DRP2: variants seen among roughly 807,000 people sequenced by gnomAD.
DRP2 encodes dystrophin-related protein 2.
Under a neutral mutation model 78.2 loss-of-function variants are expected in DRP2, and 29 were observed. The observed-to-expected ratio is 0.37, with a 90% CI of 0.28 to 0.51. The LOEUF (loss-of-function observed/expected upper bound fraction) is 0.51. Ranked by LOEUF, DRP2 falls within the 20% of genes least tolerant of loss-of-function variation. The pLI is 0.94. For missense variants in DRP2, 686 were observed against 770.6 expected (o/e 0.89, Z 1.30); for synonymous variants, 290 against 281.9 (o/e 1.03, Z -0.29).
rs1457490271 is a variant in DRP2, at chrX:101,241,905, A to G, written c.797A>G (p.Asp266Gly). ...GAGCCCATTGGGGATCTCTTCATTG[A>G]TTCACTCCCAGAGCACATCCAGGCT... is the stretch of plus-strand genomic sequence containing the variant. ...TWEPIGDLFI[D>G]SLPEHIQAIK... Residue 266 changes from aspartate (D) to glycine (G), a missense_variant, in exon 7 of 24, where the codon GAT (aspartate) becomes GGT (glycine). By Grantham distance (94) the Asp-to-Gly change is moderately conservative (BLOSUM62 -1). Transcript: ENST00000395209. The G allele has an allele frequency of 4.3e-6, 5 of 1,167,973 alleles. No individual in the cohort carries two copies. Among genetic ancestry groups the G allele is most frequent in the Non-Finnish European group, 5.7e-6 (5 of 874,150 alleles).
rs769648425 is a variant in DRP2, at chrX:101,233,014, T to A, written c.117+1250T>A. Among the ~76,000 whole-genome samples the A allele has an allele frequency of 2.1e-3, 232 of 112,011 alleles. 1 individual carries two copies. The highest frequency in any genetic ancestry group is 7.3e-3 in the African/African-American group (224 of 30,894). ...ATAGAGAGCCTTGAGGGGAGTGGGG[T>A]GCAAGAAGCAAATATCCTGGCTACA... is the stretch of plus-strand genomic sequence containing the variant. On this transcript the variant is annotated intron_variant, in intron 3 of 23. Coordinates refer to ENST00000395209, the MANE Select transcript of DRP2 (RefSeq NM_001939.3).
Position 101,256,231 on chromosome X carries a change from A to G in DRP2, c.2360A>G (p.Lys787Arg). 5.8e-6 allele frequency: 7 copies of G among 1,202,901 alleles called. No individual in the cohort carries two copies. The highest frequency in any genetic ancestry group is 7.8e-6 in the Non-Finnish European group (7 of 891,829). Residue 787 changes from lysine to arginine, a missense_variant, in exon 21 of 24, where the codon AAG (lysine) becomes AGG (arginine). By Grantham distance (26) the Lys-to-Arg change is conservative. This residue lies in a region of DRP2 where 423 missense variants were observed against 531.5 expected (regional missense o/e 0.80). Transcript: ENST00000395209. ...VATESKGELQ[K>R]ILAHLEDENR... is the part of the protein sequence containing the mutation. ...ACAGAAAGCAAAGGGGAGCTACAGA[A>G]GATCCTGGCCCACTTGGAAGATGAG...
chrX:101,235,765 C>A, intron 3 of DRP2, 95 bp from the exon 4 acceptor site: 1 of 937,099 alleles, frequency 1.1e-6, no homozygotes, highest in Non-Finnish European at 1.5e-6. Flanking sequence ...AGCAACCCTT[C>A]TCTCCCCTTG....
intron 3 of DRP2, among the ~76,000 whole-genome samples, chrX:101,235,083 G>A (rs962421295): frequency 3.6e-5 from 4 of 110,665 alleles, no homozygotes; most frequent in Non-Finnish European, 5.7e-5. Context: ...AGGGCTATCC[G>A]GGATAACCAC....
intron 14 of DRP2, 97 bp from the exon 15 acceptor site, chrX:101,250,326 G>C (rs1196851057): frequency 3.6e-6 from 4 of 1,121,361 alleles, no homozygotes; most frequent in Non-Finnish European, 4.9e-6. Flanking sequence ...AGCTCAGTCT[G>C]TGCTCTTTCC....
intron 1 of DRP2, among the ~76,000 whole-genome samples, chrX:101,224,201 T>TTTTTTTTTTTTTTTG (rs1922019195): frequency 2.1e-5 from 1 of 48,325 alleles, no homozygotes; most frequent in African/African-American, 8.2e-5. Flanking sequence ...GTTTTTTTTT[T>TTTTTTTTTTTTTTTG]TTTTTTTTTT....
chrX:101,227,091 C>T (rs1922146647), intron 2 of DRP2, among the ~76,000 whole-genome samples: 1 of 110,651 alleles, frequency 9.0e-6, no homozygotes, highest in South Asian at 3.9e-4. Flanking sequence ...CATGAATTCT[C>T]CTCCCGTGAT....
At chrX:101,254,691 C>A in intron 18 of DRP2, 130 bp downstream of exon 18, 1 of 1,064,523 alleles carries the variant, frequency 9.4e-7, no homozygotes, top group South Asian at 2.1e-5. Flanking sequence ...TAGGGCCGTT[C>A]AGCTTGGGCC....
rs772120737 is a variant in DRP2 at position 101,241,697 on chromosome X, C to G, written c.589C>G (p.Leu197Val). 1 of 1,209,922 alleles carries G rather than the reference C, an allele frequency of 8.3e-7. No homozygotes were observed. Among genetic ancestry groups the G allele is most frequent in the African/African-American group, 1.7e-5 (1 of 57,148 alleles). The change falls in exon 7 of 24, where the codon CTC becomes GTC. Residue 197 changes from leucine (L) to valine (V), a missense_variant. By Grantham distance (32) the Leu-to-Val change is conservative (BLOSUM62 1). Transcript: ENST00000395209. ...CTCCCCGAAACAGCGGATCCAGAAT[C>G]TCAGCCGCTTTGTATGGAAGCAGGC... ...DTSPKQRIQN[L>V]SRFVWKQATV...
rs1417694197 is a variant in DRP2, at chrX:101,254,899, T to A, written c.2155T>A (p.Ser719Thr). ...SPMWPHADTH[S>T]RIEHFASRLA... The stretch of plus-strand genomic sequence containing the variant: ...GATGTGGCCACACGCCGACACACAC[T>A]CCCGAATTGAGCATTTTGCCAGCAG... The change falls in exon 19 of 24, where the codon TCC becomes ACC. Residue 719 changes from serine (S) to threonine (T), a missense_variant. By Grantham distance (58) the Ser-to-Thr change is moderately conservative. This residue lies in a region of DRP2 where 423 missense variants were observed against 531.5 expected (regional missense o/e 0.80). Transcript: ENST00000395209. 1 of 1,211,439 alleles carries A rather than the reference T, an allele frequency of 8.3e-7. No individual in the cohort carries two copies. Among genetic ancestry groups the A allele is most frequent in the Admixed American group, 2.2e-5 (1 of 45,994 alleles).
Position 101,260,777 on chromosome X carries a change from G to C in DRP2, c.*156G>C, listed in dbSNP as rs1923525005. ...GGCAGCAGCAGGGATCTGGTGGTAT[G>C]TGAGGTGCATGCGGGCAGTGATGGG... On this transcript the variant is annotated 3_prime_UTR_variant, in exon 24 of 24. Coordinates refer to ENST00000395209, the MANE Select transcript of DRP2 (RefSeq NM_001939.3). 1.5e-6 allele frequency: 1 copy of C among 666,849 alleles called. No individual in the cohort carries two copies. The highest frequency in any genetic ancestry group is 4.2e-5 in the South Asian group (1 of 23,538). The allele number at this position is 666,849 out of a possible 1,213,427, so 55.0% of individuals were successfully genotyped here.
intron 20 of DRP2, 116 bp from the exon 21 acceptor site, chrX:101,256,002 G>T (rs990692012): frequency 2.1e-6 from 2 of 939,671 alleles, no homozygotes; most frequent in Non-Finnish European, 2.8e-6. Context: ...TTTCCCTCTC[G>T]ATGTGACTTA....
intron 3 of DRP2, among the ~76,000 whole-genome samples, chrX:101,233,990 C>T (rs952507450): frequency 1.8e-5 from 2 of 111,942 alleles, no homozygotes; most frequent in African/African-American, 6.5e-5. Flanking sequence ...GACGAATCTC[C>T]TGGCCTCTGC....
At chrX:101,224,181 GGTTTTTTTTGTTTTT>G (rs1264283575) in intron 1 of DRP2, among the ~76,000 whole-genome samples, 94 of 47,653 alleles carry the variant, frequency 2.0e-3, no homozygotes, top group African/African-American at 0.01. Context: ...ATGTTTGCTG[GGTTTTTTTTGTTTTT>G]TTTTTTTTTT....
chrX:101,220,683 G>C (rs1206308747), intron 1 of DRP2, among the ~76,000 whole-genome samples: 1 of 111,009 alleles, frequency 9.0e-6, no homozygotes, highest in Non-Finnish European at 1.9e-5. Context: ...ATTCTGGCCA[G>C]CAGACAGGAC....
In DRP2 at chrX:101,256,172, A is replaced by G; in HGVS notation, c.2301A>G (p.Pro767=). ...RHSSPITDRE[P]AFGQQAPCSV... The stretch of plus-strand genomic sequence containing the variant: ...CCAGCCCCATCACAGACCGGGAGCC[A>G]GCCTTTGGACAGCAGGCTCCATGCA... The change falls in exon 21 of 24, where the codon CCA becomes CCG. Residue 767 remains proline (P), a synonymous_variant. Transcript: ENST00000395209. 13 of 1,208,555 alleles carry G rather than the reference A, an allele frequency of 1.1e-5. No individual in the cohort carries two copies. The highest frequency in any genetic ancestry group is 1.5e-5 in the Non-Finnish European group (13 of 893,992).
Position 101,245,457 on chromosome X carries a change from T to C in DRP2, c.1177+8T>C. ...AGTTATACCAAACCCTAGGTAAGAATGTGGGCTTCCTGTATAGGGTGGGCA... is the reference window on the plus strand; with the variant it reads ...AGTTATACCAAACCCTAGGTAAGAACGTGGGCTTCCTGTATAGGGTGGGCA... On this transcript the variant is annotated splice_region_variant and intron_variant, in intron 11 of 23. Transcript: ENST00000395209. The C allele has an allele frequency of 8.4e-7, 1 of 1,195,870 alleles. No homozygotes were observed. Among genetic ancestry groups the C allele is most frequent in the East Asian group, 3.0e-5 (1 of 33,661 alleles).
chrX:101,221,321 C>A (rs1397080594), intron 1 of DRP2, among the ~76,000 whole-genome samples: 1 of 113,105 alleles, frequency 8.8e-6, no homozygotes, highest in Non-Finnish European at 1.9e-5. Context: ...AGGTAAATCA[C>A]CTTTTAAAAG....
At chrX:101,253,719 T>C (rs1012894892) in intron 17 of DRP2, among the ~76,000 whole-genome samples, 1 of 108,782 alleles carries the variant, frequency 9.2e-6, no homozygotes, top group Non-Finnish European at 1.9e-5. Context: ...ACAATCCATC[T>C]GTCCAAGCTT....
Sources: allele counts gnomAD v4.1 joint callset (sites outside exome capture counted in the v4.1 genomes callset), GRCh38; gene constraint gnomAD v4.1.1; regional missense constraint gnomAD v4.1.1; transcripts MANE v1.5; gene names NCBI Gene and HGNC (gene_info 2026-07-23, HGNC 2026-07-21).